Variants in NLGN2 observed in about 807,000 individuals in gnomAD.
The protein encoded by NLGN2 is neuroligin 2, also known as neuroligin-2.
In NLGN2, 11 loss-of-function variants were observed where a neutral mutation model predicts 48.6. That is an observed-to-expected ratio of 0.23 (90% confidence interval 0.14 to 0.37). The LOEUF is 0.37. Among genes scored for constraint, NLGN2 ranks in the 10% least tolerant of loss-of-function variants. The probability of loss-of-function intolerance (pLI) is 1.00; values close to 1 mark genes in which losing one functional copy is unlikely to be tolerated. For synonymous variants in NLGN2, 548 were observed against 550.0 expected, an observed-to-expected ratio of 1.00 and a Z score of 0.05; for missense variants, 801 against 1,225.2, an observed-to-expected ratio of 0.65 and a Z score of 5.17.
intron 1 of NLGN2, among the ~76,000 whole-genome samples, chr17:7,410,093 G>A (rs1205851507): frequency 6.6e-6 from 1 of 151,814 alleles, no homozygotes; most frequent in East Asian, 1.9e-4. Flanking sequence ...ATCTGCACCG[G>A]ACCTCAGGTG....
chr17:7,412,108 T>A, intron 1 of NLGN2, 49 bp from the exon 2 acceptor site: 1 of 1,173,844 alleles, frequency 8.5e-7, no homozygotes, highest in Non-Finnish European at 1.2e-6. Context: ...ACCCCCATCT[T>A]TCCCCACAAA....
At chr17:7,416,683 C>T (rs983688796) in intron 6 of NLGN2, among the ~76,000 whole-genome samples, 1 of 152,072 alleles carries the variant, frequency 6.6e-6, no homozygotes, top group Non-Finnish European at 1.5e-5. Context: ...CCCCTCTGCC[C>T]GCATTTCTGG....
Position 7,414,325 on chromosome 17 carries a change from C to A in NLGN2, c.509-19C>A. 7.4e-7 allele frequency: 1 copy of A among 1,349,920 alleles called. No individual in the cohort carries two copies. The highest frequency in any genetic ancestry group is 9.9e-7 in the Non-Finnish European group (1 of 1,010,844). 83.6% of individuals were successfully genotyped at this position (1,349,920 alleles called of 1,614,324 possible). A position where few individuals can be genotyped will look rare whatever the true frequency, so the allele number is the denominator to read the frequency against. On this transcript the variant is annotated intron_variant, in intron 2 of 6. Coordinates refer to ENST00000302926, the MANE Select transcript of NLGN2 (RefSeq NM_020795.4). Reference sequence around the variant, plus strand: ...TGTCCCTGACCCCCTGGCCCACCTGCCCACCCCTCCCCACACAGATATCCG... The same window carrying A: ...TGTCCCTGACCCCCTGGCCCACCTGACCACCCCTCCCCACACAGATATCCG...
Position 7,408,221 on chromosome 17 carries a change from G to A in NLGN2, c.-35G>A. 1.8e-6 allele frequency: 2 copies of A among 1,140,066 alleles called. No homozygotes were observed. The highest frequency in any genetic ancestry group is 2.3e-6 in the Non-Finnish European group (2 of 882,066). 70.6% of individuals were successfully genotyped at this position (1,140,066 alleles called of 1,614,324 possible). ...CTTCTCTCTCTCTCCGAGGGGGGGG[G>A]GTCCCAGGGAGGGAGGGGGGGTCCC... On this transcript the variant is annotated 5_prime_UTR_variant, in exon 1 of 7. Transcript: ENST00000302926. The surrounding 1 kb of genome is among the most constrained non-coding windows in gnomAD (Gnocchi z 7.5).
chr17:7,406,657 G>GA (rs372827937), upstream of NLGN2, among the ~76,000 whole-genome samples: 1 of 140,040 alleles, frequency 7.1e-6, no homozygotes, highest in Non-Finnish European at 1.6e-5. Context: ...GGGGGGCGGG[G>GA]GGGGGGCTTG....
In NLGN2 at chr17:7,414,429, C is replaced by T; in HGVS notation, c.594C>T (p.Gly198=). 6.2e-7 allele frequency: 1 copy of T among 1,614,212 alleles called. No individual in the cohort carries two copies. Among genetic ancestry groups the T allele is most frequent in the East Asian group, 2.2e-5 (1 of 44,884 alleles). Residue 198 remains glycine (G), a synonymous_variant, in exon 3 of 7, where the codon GGC becomes GGT. Transcript: ENST00000302926. ...YMEGTGNMFD[G]SVLAAYGNVI... is the part of the protein sequence containing the mutation. ...AGGGGACCGGAAACATGTTCGATGG[C>T]TCAGTCCTGGCTGCCTATGGCAACG...
At position 7,417,436 on chromosome 17, in the gene NLGN2, T is replaced by C. The variant is rs1597714341; in HGVS notation, c.2145T>C (p.Pro715=). ...QELRCRRLSP[P]GGSGSGVPGG... ...TGCGGTGCAGGCGGCTTAGCCCACC[T>C]GGCGGCTCAGGCTCTGGCGTGCCTG... Residue 715 remains proline, a synonymous_variant, in exon 7 of 7, where the codon CCT becomes CCC. Transcript: ENST00000302926. The C allele has an allele frequency of 6.3e-7, 1 of 1,597,176 alleles. No individual in the cohort carries two copies. The highest frequency in any genetic ancestry group is 8.5e-7 in the Non-Finnish European group (1 of 1,173,926).
chr17:7,414,621 G>T (rs375510839), intron 3 of NLGN2, 42 bp from the exon 4 acceptor site: 6 of 1,611,620 alleles, frequency 3.7e-6, no homozygotes, highest in Non-Finnish European at 5.1e-6. Context: ...GGGCAGGGGC[G>T]CTGTGACACC....
rs1426302122 is a variant in NLGN2, at chr17:7,408,626, C to T, written c.371C>T (p.Thr124Ile). ...LPAIMLPVWF[T>I]DNLEAAATYV... ...GCCATCATGCTGCCTGTGTGGTTCACCGACAACTTGGAGGCGGCCGCCACC... is the reference window on the plus strand; with the variant it reads ...GCCATCATGCTGCCTGTGTGGTTCATCGACAACTTGGAGGCGGCCGCCACC... Residue 124 changes from threonine to isoleucine, a missense_variant, in exon 1 of 7, where the codon ACC becomes ATC. Physicochemically the swap from Thr to Ile is moderately conservative, Grantham distance 89. Around this residue, in one of 5 missense-constraint regions of NLGN2, gnomAD observed 56 missense variants for 100.0 expected, o/e 0.56. Coordinates refer to ENST00000302926, the MANE Select transcript of NLGN2 (RefSeq NM_020795.4). This position sits in a 1 kb window ranked among gnomAD's most constrained non-coding sequence, Gnocchi z 7.5. 1 of 1,609,158 alleles carries T rather than the reference C, an allele frequency of 6.2e-7. No individual in the cohort carries two copies. The highest frequency in any genetic ancestry group is 8.5e-7 in the Non-Finnish European group (1 of 1,178,272).
chr17:7,411,352 T>C lies in NLGN2; in HGVS notation c.458-805T>C, dbSNP rs1476592477. Among the ~76,000 whole-genome samples, 1 of 150,274 alleles carries C rather than the reference T, an allele frequency of 6.7e-6. No individual in the cohort carries two copies. The highest frequency in any genetic ancestry group is 1.5e-5 in the Non-Finnish European group (1 of 67,642). ...GGGTAAGGGACGAGGTTGGGGGGAG[T>C]GCGGAGGGTTGAGCTGGAGCGGAGG... On this transcript the variant is annotated intron_variant, in intron 1 of 6. Transcript: ENST00000302926. This position sits in a 1 kb window ranked among gnomAD's most constrained non-coding sequence, Gnocchi z 4.5.
chr17:7,408,496 G>T lies in NLGN2; in HGVS notation c.241G>T (p.Ala81Ser), dbSNP rs1196951569. ...GCCCTACGCCACGCCGCCCCTGGGC[G>T]CCCGCCGCTTCCAGCCGCCTGAGGC... ...GVPYATPPLG[A>S]RRFQPPEAPA... The change falls in exon 1 of 7, where the codon GCC becomes TCC. Residue 81 changes from alanine to serine, a missense_variant. Physicochemically the swap from Ala to Ser is moderately conservative, Grantham distance 99. Transcript: ENST00000302926. This position sits in a 1 kb window ranked among gnomAD's most constrained non-coding sequence, Gnocchi z 7.5. The T allele has an allele frequency of 1.1e-5, 17 of 1,487,274 alleles. No individual in the cohort carries two copies. Among genetic ancestry groups the T allele is most frequent in the Non-Finnish European group, 1.3e-5 (15 of 1,123,026 alleles). 92.1% of individuals were successfully genotyped at this position (1,487,274 alleles called of 1,614,324 possible). A position where few individuals can be genotyped will look rare whatever the true frequency, so the allele number is the denominator to read the frequency against.
chr17:7,408,550 G>A lies in NLGN2; in HGVS notation c.295G>A (p.Ala99Thr), dbSNP rs761671090. The A allele has an allele frequency of 2.6e-6, 4 of 1,549,788 alleles. No individual in the cohort carries two copies. The highest frequency in any genetic ancestry group is 3.5e-6 in the Non-Finnish European group (4 of 1,149,572). ...CGCCTCGTGGCCCGGCGTGCGCAAC[G>A]CCACCACCCTGCCGCCCGCCTGCCC... ...APASWPGVRN[A>T]TTLPPACPQN... is the part of the protein sequence containing the mutation. The change falls in exon 1 of 7, where the codon GCC becomes ACC. Residue 99 changes from alanine (A) to threonine (T), a missense_variant. By Grantham distance (58) the Ala-to-Thr change is moderately conservative. This residue lies in a region of NLGN2 where 164 missense variants were observed against 186.2 expected (regional missense o/e 0.88). Coordinates refer to ENST00000302926, the MANE Select transcript of NLGN2 (RefSeq NM_020795.4). This position sits in a 1 kb window ranked among gnomAD's most constrained non-coding sequence, Gnocchi z 7.5.
chr17:7,412,893 T>TCTTC, intron 2 of NLGN2, among the ~76,000 whole-genome samples: 1 of 103,854 alleles, frequency 9.6e-6, no homozygotes, highest in East Asian at 8.0e-4. Flanking sequence ...TTGGTTGTTT[T>TCTTC]TTTCTTTCTT....
rs1264791640 is a variant in NLGN2 at position 7,417,545 on chromosome 17, G to A, written c.2254G>A (p.Gly752Ser). 1.4e-6 allele frequency: 2 copies of A among 1,468,904 alleles called. No individual in the cohort carries two copies. The highest frequency in any genetic ancestry group is 1.4e-5 in the African/African-American group (1 of 69,388). 91.0% of individuals were successfully genotyped at this position (1,468,904 alleles called of 1,614,324 possible). ...GTCACTGCAGCTGAAGCGGGGTGGT[G>A]GCGTCGGGGCGGACCCTGCCGAGGC... ...LVSLQLKRGG[G>S]VGADPAEALR... is the part of the protein sequence containing the mutation. The change falls in exon 7 of 7, where the codon GGC becomes AGC. Residue 752 changes from glycine to serine, a missense_variant. Gly to Ser is a moderately conservative substitution (Grantham distance 56). Transcript: ENST00000302926.
intron 1 of NLGN2, among the ~76,000 whole-genome samples, chr17:7,409,666 A>G (rs1906797753): frequency 6.6e-6 from 1 of 152,078 alleles, no homozygotes; most frequent in Admixed American, 6.5e-5. Flanking sequence ...CCATGTTTCC[A>G]GCAACCTTAC....
Position 7,408,525 on chromosome 17 carries a change from C to A in NLGN2, c.270C>A (p.Pro90=), listed in dbSNP as rs957493657. ...GCCGCTTCCAGCCGCCTGAGGCGCC[C>A]GCCTCGTGGCCCGGCGTGCGCAACG... ...GARRFQPPEA[P]ASWPGVRNAT... The change falls in exon 1 of 7, where the codon CCC becomes CCA. Residue 90 remains proline, a synonymous_variant. Transcript: ENST00000302926. The surrounding 1 kb of genome is among the most constrained non-coding windows in gnomAD (Gnocchi z 7.5). 6.5e-7 allele frequency: 1 copy of A among 1,533,374 alleles called. No homozygotes were observed. The highest frequency in any genetic ancestry group is 1.4e-5 in the African/African-American group (1 of 70,526). The allele number at this position is 1,533,374 out of a possible 1,614,324, so 95.0% of individuals were successfully genotyped here.
chr17:7,411,441 C>T lies in NLGN2; in HGVS notation c.458-716C>T, dbSNP rs1434233066. On this transcript the variant is annotated intron_variant, in intron 1 of 6. Transcript: ENST00000302926. This position sits in a 1 kb window ranked among gnomAD's most constrained non-coding sequence, Gnocchi z 4.5. ...TGGGGAGCTGGGGTGAGAAGCCAGG[C>T]CTGTGAGTGTGGATAGACGAGAAGT... Among the ~76,000 whole-genome samples, 1 of 152,190 alleles carries T rather than the reference C, an allele frequency of 6.6e-6. No individual in the cohort carries two copies. Among genetic ancestry groups the T allele is most frequent in the Non-Finnish European group, 1.5e-5 (1 of 68,038 alleles).
At position 7,416,070 on chromosome 17, in the gene NLGN2, G is replaced by A. The variant is rs977413225; in HGVS notation, c.1597G>A (p.Val533Met). Reference protein sequence around the residue: ...FSKNDVMLSAVVMTYWTNFAK... With the variant: ...FSKNDVMLSAMVMTYWTNFAK... ...CAAGAATGACGTCATGCTCAGTGCCGTGGTCATGACCTACTGGACCAACTT... is the reference window on the plus strand; with the variant it reads ...CAAGAATGACGTCATGCTCAGTGCCATGGTCATGACCTACTGGACCAACTT... The change falls in exon 6 of 7, where the codon GTG becomes ATG. Residue 533 changes from valine to methionine, a missense_variant. Val to Met is a conservative substitution (Grantham distance 21). Around this residue, in one of 5 missense-constraint regions of NLGN2, gnomAD observed 303 missense variants for 600.1 expected, o/e 0.50. Transcript: ENST00000302926. 2.5e-6 allele frequency: 4 copies of A among 1,613,344 alleles called. No individual in the cohort carries two copies. The highest frequency in any genetic ancestry group is 1.3e-5 in the African/African-American group (1 of 74,818).
chr17:7,416,228 C>A (rs565003249), intron 6 of NLGN2, 121 bp downstream of exon 6: 2 of 762,706 alleles, frequency 2.6e-6, no homozygotes, highest in Admixed American at 4.1e-5. Context: ...CCAACCCAGA[C>A]ACCTCTGTGC....
Sources: allele counts gnomAD v4.1 joint callset (sites outside exome capture counted in the v4.1 genomes callset), GRCh38; gene constraint gnomAD v4.1.1; regional missense constraint gnomAD v4.1.1; non-coding constraint Gnocchi (gnomAD v3.1); transcripts MANE v1.5; gene names NCBI Gene and HGNC (gene_info 2026-07-23, HGNC 2026-07-21).